The following DYNC2I1 variants were observed in gnomAD, a reference collection of about 807,000 sequenced individuals.
DYNC2I1 encodes dynein 2 intermediate chain 1.
A neutral mutation model predicts 133.4 loss-of-function variants in DYNC2I1; 89 were observed. The observed-to-expected ratio is 0.67, with a 90% CI of 0.56 to 0.80. The LOEUF is 0.80. Among genes scored for constraint, DYNC2I1 ranks in the 30% least tolerant of loss-of-function variants. The pLI is 0.00. For missense variants in DYNC2I1, 1,291 were observed against 1,314.5 expected (o/e 0.98, Z 0.28); for synonymous variants, 504 against 484.3 (o/e 1.04, Z -0.54).
chr7:158,899,521 A>G (rs1486572754), intron 8 of DYNC2I1, among the ~76,000 whole-genome samples: 2 of 152,052 alleles, frequency 1.3e-5, no homozygotes, highest in Admixed American at 1.3e-4. Flanking sequence ...TCTGACCTAT[A>G]TTATTTTCCT....
chr7:158,875,171 C>T (rs748753917), intron 3 of DYNC2I1, among the ~76,000 whole-genome samples: 2 of 147,990 alleles, frequency 1.4e-5, no homozygotes, highest in Non-Finnish European at 3.0e-5. Context: ...TCTTGGCTCA[C>T]TGCATTCTCT....
At chr7:158,914,444 T>C (rs768080585) in intron 14 of DYNC2I1, 123 bp downstream of exon 14, 151 of 734,846 alleles carry the variant, frequency 2.1e-4, no homozygotes, top group Non-Finnish European at 2.8e-4. Context: ...GAATCAGTTA[T>C]TCATTTTCAA....
At chr7:158,890,737 C>G (rs1845127296) in intron 7 of DYNC2I1, among the ~76,000 whole-genome samples, 1 of 152,082 alleles carries the variant, frequency 6.6e-6, no homozygotes, top group Non-Finnish European at 1.5e-5. Flanking sequence ...CCATGCCTGG[C>G]TAATTTTTTT....
At chr7:158,956,673 C>G (rs1175988599) in exon 5 of DYNC2I1, 1 of 152,366 alleles carries the variant, frequency 6.6e-6, no homozygotes, top group Non-Finnish European at 1.5e-5. Context: ...GTGGAGCAGC[C>G]CTGTCCCCAG....
At chr7:158,930,772 G>A (rs114148828) in intron 21 of DYNC2I1, among the ~76,000 whole-genome samples, 2,255 of 152,164 alleles carry the variant, frequency 0.015, 41 homozygotes, top group African/African-American at 0.05. Context: ...TGGTTCAAGC[G>A]ATTCTCCTGT....
downstream of DYNC2I1, among the ~76,000 whole-genome samples, chr7:158,947,589 T>C (rs1487389635): frequency 3.3e-5 from 5 of 152,028 alleles, no homozygotes; most frequent in African/African-American, 1.2e-4. Context: ...ATCCAGGGAG[T>C]TCTGTCTGGC....
intron 10 of DYNC2I1, chr7:158,905,249 TTC>T (rs1846671725): frequency 2.8e-6 from 1 of 358,510 alleles, no homozygotes; most frequent in South Asian, 2.3e-5. Flanking sequence ...CAAGCGATTC[TTC>T]TGCTTCAGCC....
At chr7:158,861,057 A>G (rs976204692) in intron 1 of DYNC2I1, among the ~76,000 whole-genome samples, 4 of 152,246 alleles carry the variant, frequency 2.6e-5, no homozygotes, top group Non-Finnish European at 5.9e-5. Flanking sequence ...CTCTGGGACA[A>G]CCCAGCTCAG....
chr7:158,953,375 C>G (rs140827009), intron 4 of DYNC2I1, among the ~76,000 whole-genome samples: 1 of 152,334 alleles, frequency 6.6e-6, no homozygotes, highest in East Asian at 1.9e-4. Context: ...GCTTATTTTA[C>G]TTATGCAGGT....
chr7:158,891,176 C>T (rs571330170), intron 7 of DYNC2I1, 89 bp from the exon 8 acceptor site: 75 of 1,456,824 alleles, frequency 5.1e-5, no homozygotes, highest in Admixed American at 2.8e-4. Context: ...TGGCGGGCTC[C>T]GCAGTGGTGG....
At chr7:158,881,741 C>A (rs756396711) in intron 5 of DYNC2I1, among the ~76,000 whole-genome samples, 33 of 152,210 alleles carry the variant, frequency 2.2e-4, no homozygotes, top group South Asian at 6.2e-4. Context: ...GCATGAGCTA[C>A]CGCGCCCGGC....
chr7:158,898,523 G>A (rs1476217822), intron 8 of DYNC2I1, among the ~76,000 whole-genome samples: 3 of 152,134 alleles, frequency 2.0e-5, no homozygotes, highest in African/African-American at 7.2e-5. Context: ...ACTTTGAAGT[G>A]TGCTGCGTCA....
chr7:158,953,168 G>A lies in DYNC2I1; in HGVS notation c.*57-3415G>A, dbSNP rs190974814. Among the ~76,000 whole-genome samples the A allele has an allele frequency of 3.3e-3, 424 of 127,966 alleles. 1 individual carries two copies. The highest frequency in any genetic ancestry group is 0.012 in the African/African-American group (405 of 35,104). The allele number at this position is 127,966 out of a possible 152,430, so 84.0% of individuals were successfully genotyped here. ...GTGACACTGAGCTGACCCACATGTG[G>A]CTGCTCCTACCCTCCTCGCCCTCCT... is the stretch of plus-strand genomic sequence containing the variant. On this transcript the variant is annotated intron_variant and NMD_transcript_variant, in intron 4 of 4. Transcript: ENST00000454771.
chr7:158,913,017 A>G lies in DYNC2I1; in HGVS notation c.1623A>G (p.Glu541=). The change falls in exon 13 of 25, where the codon GAA becomes GAG. Residue 541 remains glutamate, a synonymous_variant. Coordinates refer to ENST00000407559, the MANE Select transcript of DYNC2I1 (RefSeq NM_018051.5). ...AYVQCNEDNV[E]RDIQTEEIET... is the part of the protein sequence containing the mutation. ...TTCAGTGTAACGAAGATAATGTTGAAAGAGACATTCAAACGGAGGAAATAG... is the reference window on the plus strand; with the variant it reads ...TTCAGTGTAACGAAGATAATGTTGAGAGAGACATTCAAACGGAGGAAATAG... 5.0e-6 allele frequency: 8 copies of G among 1,613,450 alleles called. No homozygotes were observed. The highest frequency in any genetic ancestry group is 6.8e-6 in the Non-Finnish European group (8 of 1,179,598).
intron 4 of DYNC2I1, among the ~76,000 whole-genome samples, chr7:158,955,069 C>G (rs1852165487): frequency 6.6e-6 from 1 of 152,208 alleles, no homozygotes; most frequent in East Asian, 1.9e-4. Context: ...CAAGATGTTT[C>G]TAAAGGCTCT....
chr7:158,931,967 C>CGG (rs999385904), intron 21 of DYNC2I1, among the ~76,000 whole-genome samples: 2 of 152,066 alleles, frequency 1.3e-5, no homozygotes, highest in African/African-American at 4.8e-5. Flanking sequence ...GGGAAAGGGC[C>CGG]GGGAGGAGGC....
At chr7:158,933,423 C>T (rs112435307) in intron 21 of DYNC2I1, among the ~76,000 whole-genome samples, 8 of 152,264 alleles carry the variant, frequency 5.3e-5, no homozygotes, top group South Asian at 4.1e-4. Flanking sequence ...CAGAACCAGG[C>T]GACGCATTGG....
At chr7:158,884,666 A>G (rs760648181) in intron 6 of DYNC2I1, 47 bp downstream of exon 6, 88 of 1,597,026 alleles carry the variant, frequency 5.5e-5, no homozygotes, top group Non-Finnish European at 1.4e-5. Context: ...TGCCGCTCTC[A>G]TGGAATGCTT....
the DYNC2I1 span, among the ~76,000 whole-genome samples, chr7:158,839,843 T>C: frequency 6.6e-6 from 1 of 151,494 alleles, no homozygotes; most frequent in African/African-American, 2.4e-5. Flanking sequence ...AGATGAGGTC[T>C]CGCTCTATCA....
Sources: gnomAD v4.1 joint callset for allele counts (sites outside exome capture counted in the v4.1 genomes callset) on GRCh38, gnomAD v4.1.1 for gene constraint, MANE v1.5 for transcripts, NCBI Gene and HGNC (gene_info 2026-07-23, HGNC 2026-07-21) for gene names.